Variants in AP3B1 observed in about 807,000 individuals in gnomAD.
The protein encoded by AP3B1 is AP-3 complex subunit beta-1.
A neutral mutation model predicts 132.5 loss-of-function variants in AP3B1; 61 were observed. The observed-to-expected ratio is 0.46, with a 90% CI of 0.37 to 0.57. The LOEUF (loss-of-function observed/expected upper bound fraction) is 0.57, where lower values mean the gene tolerates loss of function less well. AP3B1 is among the 20% of genes least tolerant of loss of function. The pLI, the probability that AP3B1 is intolerant of heterozygous loss-of-function variation, is 0.00. For missense variants in AP3B1, 1,120 were observed against 1,289.4 expected, an observed-to-expected ratio of 0.87 and a Z score of 2.01; for synonymous variants, 388 against 438.3, an observed-to-expected ratio of 0.89 and a Z score of 1.43.
chr5:78,096,037 C>A (rs948788272), intron 21 of AP3B1, among the ~76,000 whole-genome samples: 1 of 152,186 alleles, frequency 6.6e-6, no homozygotes, highest in Non-Finnish European at 1.5e-5. Context: ...TCTCCCTCTC[C>A]CCACGGTCTC....
At chr5:78,140,180 G>A (rs1753085845) in intron 15 of AP3B1, among the ~76,000 whole-genome samples, 1 of 152,062 alleles carries the variant, frequency 6.6e-6, no homozygotes, top group Non-Finnish European at 1.5e-5. Flanking sequence ...ATTAACAGCT[G>A]CTCAAAAAGT....
Position 78,015,552 on chromosome 5 carries a change from TA to T in AP3B1, c.2993-5del, listed in dbSNP as rs1561354650. On this transcript the variant is annotated splice_polypyrimidine_tract_variant and splice_region_variant and intron_variant, in intron 25 of 26. Coordinates refer to ENST00000255194, the MANE Select transcript of AP3B1 (RefSeq NM_003664.5). The stretch of plus-strand genomic sequence containing the variant: ...TCATTCATTCCTGTTAGCACTCCTG[TA>T]AAAGCAAAAGAAGGCTCCCTTTTAT... 5.6e-6 allele frequency: 9 copies of T among 1,613,392 alleles called. No homozygotes were observed. The highest frequency in any genetic ancestry group is 2.2e-5 in the East Asian group (1 of 44,816).
chr5:78,236,978 T>C (rs1294972140), intron 3 of AP3B1, among the ~76,000 whole-genome samples: 1 of 152,182 alleles, frequency 6.6e-6, no homozygotes, highest in African/African-American at 2.4e-5. Flanking sequence ...ACTAAATTAA[T>C]CATAAGTAAA....
At chr5:78,049,781 T>A (rs925808421) in intron 22 of AP3B1, among the ~76,000 whole-genome samples, 1 of 152,212 alleles carries the variant, frequency 6.6e-6, no homozygotes, top group African/African-American at 2.4e-5. Flanking sequence ...TGTTAGTCTA[T>A]CCTGAACACA....
chr5:78,291,072 C>T (rs1406910730), intron 1 of AP3B1, among the ~76,000 whole-genome samples: 2 of 152,130 alleles, frequency 1.3e-5, no homozygotes, highest in African/African-American at 4.8e-5. Context: ...ATAGGATCTA[C>T]TTTCATAAAG....
intron 21 of AP3B1, among the ~76,000 whole-genome samples, chr5:78,097,383 A>G (rs4703750): frequency 0.99 from 107,626 of 108,222 alleles, 53,517 homozygotes; most frequent in Admixed American, 1. Flanking sequence ...GGAGGGAGGT[A>G]GGGGGTCAGC....
At chr5:78,144,806 A>G (rs1434336113) in intron 14 of AP3B1, among the ~76,000 whole-genome samples, 3 of 151,922 alleles carry the variant, frequency 2.0e-5, no homozygotes, top group Admixed American at 1.3e-4. Flanking sequence ...CTGTCAGAGC[A>G]ATCCACAGGT....
chr5:78,279,830 G>GTGTA (rs1554035350), intron 1 of AP3B1, among the ~76,000 whole-genome samples: 117 of 143,002 alleles, frequency 8.2e-4, no homozygotes, highest in Non-Finnish European at 1.3e-3. Context: ...ATATAGGTGT[G>GTGTA]TATATATATA....
chr5:78,100,846 T>C (rs1353385501), intron 21 of AP3B1, 107 bp downstream of exon 21: 1 of 680,408 alleles, frequency 1.5e-6, no homozygotes, highest in African/African-American at 1.8e-5. Context: ...TATAAGTCTT[T>C]CACAATAAAT....
At chr5:78,009,821 C>T (rs1746545928) in intron 26 of AP3B1, among the ~76,000 whole-genome samples, 2 of 152,042 alleles carry the variant, frequency 1.3e-5, no homozygotes, top group African/African-American at 2.4e-5. Context: ...GTAGTGAATA[C>T]AAGTTAATAA....
chr5:78,042,976 C>T (rs1182363863), intron 22 of AP3B1: 3 of 184,906 alleles, frequency 1.6e-5, no homozygotes, highest in Non-Finnish European at 2.4e-5. Flanking sequence ...ATCAGAGTTT[C>T]TGATCCAAAT....
At position 78,107,773 on chromosome 5, in the gene AP3B1, G is replaced by A. The variant is rs115842317; in HGVS notation, c.2397+2434C>T. Among the ~76,000 whole-genome samples, 276 of 149,274 alleles carry A rather than the reference G, an allele frequency of 1.8e-3. 1 individual carries two copies. The highest frequency in any genetic ancestry group is 6.4e-3 in the African/African-American group (261 of 40,800). On this transcript the variant is annotated intron_variant, in intron 20 of 26. Coordinates refer to ENST00000255194, the MANE Select transcript of AP3B1 (RefSeq NM_003664.5). ...ACAACTTGAATAGTGTAAAAAGAGT[G>A]AAAAAAAAAGAGCAGGATACTTAAG...
intron 26 of AP3B1, among the ~76,000 whole-genome samples, chr5:78,009,776 G>C (rs1228728755): frequency 1.3e-5 from 2 of 151,448 alleles, no homozygotes; most frequent in African/African-American, 4.9e-5. Context: ...AGATATACGG[G>C]GGGGTGGGGG....
At chr5:78,127,928 T>G (rs1378503333) in intron 17 of AP3B1, 102 bp downstream of exon 17, 1 of 1,372,160 alleles carries the variant, frequency 7.3e-7, no homozygotes, top group Non-Finnish European at 1.0e-6. Context: ...ACTAGAACAA[T>G]TTTCAATTTT....
intron 22 of AP3B1, 96 bp downstream of exon 22, chr5:78,089,297 A>G: frequency 1.1e-6 from 1 of 937,466 alleles, no homozygotes; most frequent in Non-Finnish European, 1.7e-6. Context: ...GAATCTGTTC[A>G]AAACTAAGAA....
rs139392047 is a variant in AP3B1, at chr5:78,062,540, T to G, written c.2578-23266A>C. Among the ~76,000 whole-genome samples the G allele has an allele frequency of 1.4e-3, 220 of 152,322 alleles. 1 individual carries two copies. Among genetic ancestry groups the G allele is most frequent in the African/African-American group, 5.1e-3 (211 of 41,568 alleles). On this transcript the variant is annotated intron_variant, in intron 22 of 26. Coordinates refer to ENST00000255194, the MANE Select transcript of AP3B1 (RefSeq NM_003664.5). Reference sequence around the variant, plus strand: ...AGCAACTAAGAATTTCTTCTGTGAATAGATAAAAGTTTACTTAAAAAACTC... The same window carrying G: ...AGCAACTAAGAATTTCTTCTGTGAAGAGATAAAAGTTTACTTAAAAAACTC...
In AP3B1 at chr5:78,057,379, C is replaced by T. The variant is rs117785921; in HGVS notation, c.2578-18105G>A. 1.4e-3 allele frequency among the ~76,000 whole-genome samples: 218 copies of T among 152,110 alleles called. 3 individuals carry two copies. The East Asian group carries it at 0.034, about 24-fold the overall frequency. On this transcript the variant is annotated intron_variant, in intron 22 of 26. Coordinates refer to ENST00000255194, the MANE Select transcript of AP3B1 (RefSeq NM_003664.5). ...CAGGGAGGGGAAAAATGAAGTCGCC[C>T]GTTTGGTTTAAGACACAAAGTCTGA... is the stretch of plus-strand genomic sequence containing the variant.
intron 17 of AP3B1, 108 bp downstream of exon 17, chr5:78,127,922 G>A: frequency 7.6e-7 from 1 of 1,310,352 alleles, no homozygotes. Flanking sequence ...AGAAATACTA[G>A]AACAATTTTC....
chr5:78,227,398 T>G lies in AP3B1; in HGVS notation c.510A>C (p.Ala170=). The G allele has an allele frequency of 5.0e-6, 8 of 1,613,704 alleles. No homozygotes were observed. The highest frequency in any genetic ancestry group is 5.9e-6 in the Non-Finnish European group (7 of 1,179,728). Residue 170 remains alanine (A), a synonymous_variant, in exon 5 of 27, where the codon GCA becomes GCC. Coordinates refer to ENST00000255194, the MANE Select transcript of AP3B1 (RefSeq NM_003664.5). ...TGTATAATTTTTGTATTGCATGGGC[T>G]GCATTCTTCCTAACATATGGTGATA... ...ADLSPYVRKN[A]AHAIQKLYSL...
Sources: gnomAD v4.1 joint callset for allele counts (sites outside exome capture counted in the v4.1 genomes callset) on GRCh38, gnomAD v4.1.1 for gene constraint, MANE v1.5 for transcripts, NCBI Gene and HGNC (gene_info 2026-07-23, HGNC 2026-07-21) for gene names.